The following USP10 variants were observed in gnomAD, a reference collection of about 807,000 sequenced individuals.
USP10 encodes ubiquitin specific peptidase 10.
In USP10, 22 loss-of-function variants were observed where a neutral mutation model predicts 84.5. The ratio of observed to expected loss-of-function variants is 0.26; its 90% CI spans 0.19 to 0.37. The LOEUF (loss-of-function observed/expected upper bound fraction) is 0.37, where lower values mean the gene tolerates loss of function less well. Ranked by LOEUF, USP10 falls within the 10% of genes least tolerant of loss-of-function variation. The pLI, the probability that USP10 is intolerant of heterozygous loss-of-function variation, is 1.00. For missense variants in USP10, 1,019 were observed against 998.9 expected, an observed-to-expected ratio of 1.02 and a Z score of -0.27; for synonymous variants, 454 against 387.6, an observed-to-expected ratio of 1.17 and a Z score of -2.01.
intron 5 of USP10, 74 bp downstream of exon 5, chr16:84,758,881 T>G: frequency 9.3e-7 from 1 of 1,072,306 alleles, no homozygotes; most frequent in South Asian, 1.3e-5. Context: ...GTGACTTAGC[T>G]CAGCTTCCGT....
intron 1 of USP10, among the ~76,000 whole-genome samples, chr16:84,702,019 T>C (rs1904936224): frequency 6.7e-6 from 1 of 149,126 alleles, no homozygotes; most frequent in Non-Finnish European, 1.5e-5. Context: ...TAAACTTTTT[T>C]ATTTATTTTG....
intron 1 of USP10, among the ~76,000 whole-genome samples, chr16:84,720,002 C>G (rs1355329412): frequency 6.6e-6 from 1 of 152,194 alleles, no homozygotes; most frequent in East Asian, 1.9e-4. Context: ...AGTAACTTTG[C>G]TTTCCATTAA....
intron 1 of USP10, among the ~76,000 whole-genome samples, chr16:84,703,812 C>G (rs978978195): frequency 6.6e-6 from 1 of 152,190 alleles, no homozygotes; most frequent in Non-Finnish European, 1.5e-5. Context: ...GCAGCCGCGC[C>G]GTACCAGGAC....
At position 84,700,053 on chromosome 16, in the gene USP10, A is replaced by G. The variant is rs1904629982; in HGVS notation, c.-38A>G. On this transcript the variant is annotated 5_prime_UTR_variant, in exon 1 of 14. Coordinates refer to ENST00000219473, the MANE Select transcript of USP10 (RefSeq NM_005153.3). ...CGGCGGCGGGGGAAGCAGCGTGAGC[A>G]GCCGGAGGATCGCGGAGTCCCAATG... 1 of 1,363,040 alleles carries G rather than the reference A, an allele frequency of 7.3e-7. No homozygotes were observed. The highest frequency in any genetic ancestry group is 2.5e-5 in the Admixed American group (1 of 39,300). The allele number at this position is 1,363,040 out of a possible 1,614,324, so 84.4% of individuals were successfully genotyped here. A position where few individuals can be genotyped will look rare whatever the true frequency, so the allele number is the denominator to read the frequency against.
intron 1 of USP10, among the ~76,000 whole-genome samples, chr16:84,707,322 A>G (rs1272218686): frequency 6.6e-6 from 1 of 152,364 alleles, no homozygotes; most frequent in Non-Finnish European, 1.5e-5. Context: ...TGTTACTATA[A>G]TATGTTACTA....
intron 2 of USP10, among the ~76,000 whole-genome samples, chr16:84,737,054 C>T (rs1597335759): frequency 6.6e-6 from 1 of 152,226 alleles, no homozygotes; most frequent in African/African-American, 2.4e-5. Context: ...TCCCAAAGTG[C>T]TGGGATTACA....
chr16:84,755,151 C>G lies in USP10; in HGVS notation c.1193-3565C>G, dbSNP rs570731978. Among the ~76,000 whole-genome samples, 4 of 151,466 alleles carry G rather than the reference C, an allele frequency of 2.6e-5. No homozygotes were observed. In the South Asian group the frequency reaches 8.4e-4, roughly 32 times the overall value. On this transcript the variant is annotated intron_variant, in intron 4 of 13. Coordinates refer to ENST00000219473, the MANE Select transcript of USP10 (RefSeq NM_005153.3). The stretch of plus-strand genomic sequence containing the variant: ...CAACGAAGGGAAGTTTCAGGCAGAT[C>G]TTGTATGCCTGGCCCTGGTGGCTGC...
At chr16:84,757,979 G>A (rs1429436931) in intron 4 of USP10, among the ~76,000 whole-genome samples, 3 of 152,180 alleles carry the variant, frequency 2.0e-5, no homozygotes, top group Non-Finnish European at 4.4e-5. Flanking sequence ...AGTGGGACAG[G>A]GGGAGACCTT....
chr16:84,765,955 A>G (rs1424989062), intron 10 of USP10, among the ~76,000 whole-genome samples: 1 of 152,334 alleles, frequency 6.6e-6, no homozygotes, highest in African/African-American at 2.4e-5. Context: ...AGGTTTACCC[A>G]TCGAAAGTAC....
At chr16:84,750,940 T>C (rs58682387) in intron 4 of USP10, among the ~76,000 whole-genome samples, 4,903 of 152,288 alleles carry the variant, frequency 0.032, 236 homozygotes, top group African/African-American at 0.11. Flanking sequence ...CTAAAAGGCA[T>C]TGGATCAAGA....
chr16:84,702,912 G>C (rs1028782364), intron 1 of USP10, among the ~76,000 whole-genome samples: 3 of 148,850 alleles, frequency 2.0e-5, no homozygotes, highest in African/African-American at 7.5e-5. Flanking sequence ...AGAATCGCTT[G>C]AACCCGGGAG....
intron 10 of USP10, among the ~76,000 whole-genome samples, chr16:84,766,813 G>A (rs6564076): frequency 0.77 from 116,636 of 152,104 alleles, 44,908 homozygotes; most frequent in Non-Finnish European, 0.82. Flanking sequence ...AGCAAAGATA[G>A]GGAATTCTTA....
At chr16:84,711,852 T>C (rs1457295448) in intron 1 of USP10, among the ~76,000 whole-genome samples, 1 of 151,424 alleles carries the variant, frequency 6.6e-6, no homozygotes, top group Non-Finnish European at 1.5e-5. Context: ...CCTGAGTAGC[T>C]GGGATTACAG....
chr16:84,773,329 G>T (rs1269568176), intron 12 of USP10, among the ~76,000 whole-genome samples: 3 of 152,174 alleles, frequency 2.0e-5, no homozygotes, highest in Non-Finnish European at 2.9e-5. Flanking sequence ...TCAGAATATC[G>T]AGGTGTTTGG....
intron 1 of USP10, chr16:84,704,808 C>CG: frequency 6.5e-7 from 1 of 1,535,718 alleles, no homozygotes; most frequent in Non-Finnish European, 8.7e-7. Flanking sequence ...CACTGCCATT[C>CG]TGTCCCGTCT....
rs1915379483 is a variant in USP10, at chr16:84,779,829, TCTC to T, written c.*748_*750del. 1.3e-5 allele frequency: 2 copies of T among 152,504 alleles called. No individual in the cohort carries two copies. Among genetic ancestry groups the T allele is most frequent in the South Asian group, 4.1e-4 (2 of 4,836 alleles). The allele number at this position is 152,504 out of a possible 1,614,324, so 9.4% of individuals were successfully genotyped here. A position where few individuals can be genotyped will look rare whatever the true frequency, so the allele number is the denominator to read the frequency against. On this transcript the variant is annotated 3_prime_UTR_variant, in exon 14 of 14. Transcript: ENST00000219473. ...TCTGTTTAATTCTGCTGTCTGCTCT[TCTC>T]TAATGCTGCGTCCCTAATTGTACAC... is the stretch of plus-strand genomic sequence containing the variant.
intron 11 of USP10, among the ~76,000 whole-genome samples, chr16:84,769,203 C>T (rs762018503): frequency 6.6e-6 from 1 of 152,096 alleles, no homozygotes; most frequent in African/African-American, 2.4e-5. Flanking sequence ...AAATAAGGTG[C>T]CCCAACGTAG....
At chr16:84,706,819 CG>C (rs1905589251) in intron 1 of USP10, among the ~76,000 whole-genome samples, 1 of 151,802 alleles carries the variant, frequency 6.6e-6, no homozygotes, top group South Asian at 2.1e-4. Context: ...GGATTACAGG[CG>C]TGAGCCACCG....
chr16:84,744,984 A>G lies in USP10; in HGVS notation c.503A>G (p.Asp168Gly), dbSNP rs1307690242. The G allele has an allele frequency of 6.2e-7, 1 of 1,613,848 alleles. No homozygotes were observed. The highest frequency in any genetic ancestry group is 8.5e-7 in the Non-Finnish European group (1 of 1,179,726). Residue 168 changes from aspartate (D) to glycine (G), a missense_variant, in exon 4 of 14, where the codon GAT becomes GGT. Physicochemically the swap from Asp to Gly is moderately conservative, Grantham distance 94. Around this residue, in one of 2 missense-constraint regions of USP10, gnomAD observed 787 missense variants for 708.8 expected, o/e 1.11. Coordinates refer to ENST00000219473, the MANE Select transcript of USP10 (RefSeq NM_005153.3). ...TACAGCTATTTGAAAGATGGTGGCG[A>G]TGATAGTATCTCCACAGAAGCCCTG... ...GYYSYLKDGG[D>G]DSISTEALVN...
Sources: gnomAD v4.1 joint callset for allele counts (sites outside exome capture counted in the v4.1 genomes callset) on GRCh38, gnomAD v4.1.1 for gene constraint, gnomAD v4.1.1 regional missense constraint, MANE v1.5 for transcripts, NCBI Gene and HGNC (gene_info 2026-07-23, HGNC 2026-07-21) for gene names.